The following ADPGK variants were observed in gnomAD, a reference collection of about 807,000 sequenced individuals.
ADPGK encodes ADP-dependent glucokinase.
A neutral mutation model predicts 42.4 loss-of-function variants in ADPGK; 26 were observed. That is an observed-to-expected ratio of 0.61 (90% CI 0.45 to 0.85). The LOEUF (loss-of-function observed/expected upper bound fraction) is 0.85, where lower values mean the gene tolerates loss of function less well. Among genes scored for constraint, ADPGK ranks in the 40% least tolerant of loss-of-function variants. The probability of loss-of-function intolerance (pLI) is 0.00; values close to 1 mark genes in which losing one functional copy is unlikely to be tolerated. For missense variants in ADPGK, 571 were observed against 627.0 expected (o/e 0.91, Z 0.95); for synonymous variants, 267 against 252.6 (o/e 1.06, Z -0.54).
intron 3 of ADPGK, among the ~76,000 whole-genome samples, chr15:72,764,294 CA>C (rs1276477103): frequency 6.6e-6 from 1 of 152,082 alleles, no homozygotes; most frequent in Non-Finnish European, 1.5e-5. Flanking sequence ...GAAAGCAAAA[CA>C]AAACAGAAAC....
intron 1 of ADPGK, among the ~76,000 whole-genome samples, chr15:72,777,003 A>C (rs1310206447): frequency 6.6e-6 from 1 of 152,226 alleles, no homozygotes; most frequent in East Asian, 1.9e-4. Flanking sequence ...TATAAGCCAG[A>C]ACTTCTCCAT....
In ADPGK at chr15:72,776,327, C is replaced by A. The variant is rs147292109; in HGVS notation, c.234-1230G>T. Reference sequence around the variant, plus strand: ...ATGGTCATCTTTATTCCTGCCTCTGCCTATTGGGATGTCATTCTGGCCAGT... The same window carrying A: ...ATGGTCATCTTTATTCCTGCCTCTGACTATTGGGATGTCATTCTGGCCAGT... On this transcript the variant is annotated intron_variant, in intron 1 of 6. Transcript: ENST00000456471. Among the ~76,000 whole-genome samples, 571 of 152,260 alleles carry A rather than the reference C, an allele frequency of 3.8e-3. 1 individual carries two copies. Among genetic ancestry groups the A allele is most frequent in the African/African-American group, 0.013 (553 of 41,532 alleles).
intron 2 of ADPGK, 67 bp downstream of exon 2, chr15:72,774,805 T>C (rs1278827399): frequency 4.0e-5 from 57 of 1,440,550 alleles, no homozygotes; most frequent in Non-Finnish European, 5.1e-5. Context: ...GCTTGCTTGC[T>C]TCTAGGAACC....
At chr15:72,759,838 A>AGAGGG (rs2066170587) in intron 4 of ADPGK, among the ~76,000 whole-genome samples, 2 of 152,228 alleles carry the variant, frequency 1.3e-5, no homozygotes, top group Admixed American at 6.5e-5. Flanking sequence ...TCTGCTGGGA[A>AGAGGG]GAGGGGATGG....
At chr15:72,774,400 T>C (rs1329978738) in intron 2 of ADPGK, among the ~76,000 whole-genome samples, 1 of 152,128 alleles carries the variant, frequency 6.6e-6, no homozygotes, top group African/African-American at 2.4e-5. Flanking sequence ...GGAAGAGCCA[T>C]GGTTGGGTCT....
chr15:72,756,797 AGC>A (rs1289771713), intron 4 of ADPGK: 1 of 299,312 alleles, frequency 3.3e-6, no homozygotes, highest in East Asian at 7.2e-5. Flanking sequence ...TACAGTGTGC[AGC>A]ACGCACGCCC....
intron 1 of ADPGK, among the ~76,000 whole-genome samples, chr15:72,780,416 C>G (rs559048689): frequency 4.6e-5 from 7 of 152,306 alleles, no homozygotes; most frequent in African/African-American, 1.7e-4. Context: ...TCCACCTGGT[C>G]TCTCCCTTGA....
In ADPGK at chr15:72,752,033, C is replaced by T. The variant is rs900487235; in HGVS notation, c.*308G>A. 2 of 309,112 alleles carry T rather than the reference C, an allele frequency of 6.5e-6. No homozygotes were observed. Among genetic ancestry groups the T allele is most frequent in the South Asian group, 4.9e-5 (1 of 20,324 alleles). The allele number at this position is 309,112 out of a possible 1,614,324, so 19.1% of individuals were successfully genotyped here. A position where few individuals can be genotyped will look rare whatever the true frequency, so the allele number is the denominator to read the frequency against. On this transcript the variant is annotated 3_prime_UTR_variant, in exon 7 of 7. Coordinates refer to ENST00000456471, the MANE Select transcript of ADPGK (RefSeq NM_001365225.1). ...GTGGGCAAGGAAGAACTGCTTTTCT[C>T]CAGCTGACATGCTCTCAGGGGTGAA...
At position 72,752,405 on chromosome 15, in the gene ADPGK, A is replaced by G. The variant is rs1418229346; in HGVS notation, c.1430T>C (p.Val477Ala). ...GGCTGAAATGGCATCTCCAAGGCCTACAGTTCGAATGGGGTCTTTACACAC... is the reference window on the plus strand; with the variant it reads ...GGCTGAAATGGCATCTCCAAGGCCTGCAGTTCGAATGGGGTCTTTACACAC... ...VLVCKDPIRT[V>A]GLGDAISAEG... Residue 477 changes from valine to alanine, a missense_variant, in exon 7 of 7, where the codon GTA (valine) becomes GCA (alanine). Coordinates refer to ENST00000456471, the MANE Select transcript of ADPGK (RefSeq NM_001365225.1). 1 of 1,614,244 alleles carries G rather than the reference A, an allele frequency of 6.2e-7. No individual in the cohort carries two copies. The highest frequency in any genetic ancestry group is 8.5e-7 in the Non-Finnish European group (1 of 1,180,044).
chr15:72,761,596 A>C (rs1041315664), intron 3 of ADPGK, among the ~76,000 whole-genome samples: 7 of 152,136 alleles, frequency 4.6e-5, no homozygotes, highest in Non-Finnish European at 1.0e-4. Flanking sequence ...GCTGTTTTTG[A>C]CACAACATTC....
At chr15:72,774,828 C>T (rs749294785) in intron 2 of ADPGK, 44 bp downstream of exon 2, 1 of 1,533,212 alleles carries the variant, frequency 6.5e-7, no homozygotes, top group Non-Finnish European at 8.9e-7. Flanking sequence ...ATTAAAAAGG[C>T]ATCTTTTTCC....
In ADPGK at chr15:72,756,400, A is replaced by T. The variant is rs1312268210; in HGVS notation, c.691T>A (p.Phe231Ile). The part of the protein sequence containing the change: ...LKAPHANRFI[F>I]SHDLSNGAMN... The stretch of plus-strand genomic sequence containing the variant: ...GCCCCGTTGGAGAGGTCGTGAGAGA[A>T]GATGAATCGGTTGGCATGGGGAGCT... The change falls in exon 5 of 7, where the codon TTC becomes ATC. Residue 231 changes from phenylalanine to isoleucine, a missense_variant. Phe to Ile is a conservative substitution (Grantham distance 21). Around this residue, in one of 2 missense-constraint regions of ADPGK, gnomAD observed 434 missense variants for 522.7 expected, o/e 0.83. Transcript: ENST00000456471. 4 of 1,614,232 alleles carry T rather than the reference A, an allele frequency of 2.5e-6. No homozygotes were observed. The South Asian group carries it at 3.3e-5, about 13-fold the overall frequency.
chr15:72,755,447 A>C, intron 6 of ADPGK, 109 bp downstream of exon 6: 1 of 759,794 alleles, frequency 1.3e-6, no homozygotes, highest in East Asian at 2.5e-5. Context: ...ACAAACCTAC[A>C]TGTCAGTGAG....
At position 72,758,119 on chromosome 15, in the gene ADPGK, T is replaced by C; in HGVS notation, c.644-1672A>G. On this transcript the variant is annotated intron_variant, in intron 4 of 6. Coordinates refer to ENST00000456471, the MANE Select transcript of ADPGK (RefSeq NM_001365225.1). ...TGCTTTGTCCCTCCATCATGTGCAA[T>C]CCAGAAAGGACCACCAGGTCTGGCT... is the stretch of plus-strand genomic sequence containing the variant. The C allele has an allele frequency of 6.8e-6, 11 of 1,613,450 alleles. No individual in the cohort carries two copies. In the South Asian group the frequency reaches 1.2e-4, roughly 18 times the overall value.
rs372281721 is a variant in ADPGK at position 72,752,812 on chromosome 15, A to G, written c.1023T>C (p.Ser341=). ...FLTQSASGPH[S]SLSSWNGVPD... ...GAACACCGTTCCAGGAAGAGAGAGA[A>G]GAGTGAGGTCCAGAGGCTGACTGGG... Residue 341 remains serine, a synonymous_variant, in exon 7 of 7, where the codon TCT becomes TCC. Transcript: ENST00000456471. The G allele has an allele frequency of 6.2e-7, 1 of 1,614,226 alleles. No homozygotes were observed. Among genetic ancestry groups the G allele is most frequent in the African/African-American group, 1.3e-5 (1 of 75,072 alleles).
At chr15:72,762,436 A>G (rs1290075094) in intron 3 of ADPGK, among the ~76,000 whole-genome samples, 1 of 152,174 alleles carries the variant, frequency 6.6e-6, no homozygotes, top group Non-Finnish European at 1.5e-5. Flanking sequence ...CCTTCTGGAT[A>G]AAAACATACT....
intron 1 of ADPGK, among the ~76,000 whole-genome samples, chr15:72,780,228 C>G (rs1265442357): frequency 1.3e-5 from 2 of 152,172 alleles, no homozygotes; most frequent in Non-Finnish European, 2.9e-5. Flanking sequence ...CCTCAGGAAA[C>G]TTACATTCAT....
At chr15:72,770,156 T>C (rs1357170220) in intron 3 of ADPGK, among the ~76,000 whole-genome samples, 2 of 152,240 alleles carry the variant, frequency 1.3e-5, no homozygotes, top group African/African-American at 4.8e-5. Context: ...ATCCTGACTC[T>C]ATCATTTACT....
chr15:72,756,602 T>C (rs1024877101), intron 4 of ADPGK, 155 bp from the exon 5 acceptor site: 3 of 750,084 alleles, frequency 4.0e-6, no homozygotes, highest in African/African-American at 3.5e-5. Flanking sequence ...AAGGTCAGCA[T>C]GGCACTGCAA....
Sources: gnomAD v4.1 joint callset for allele counts (sites outside exome capture counted in the v4.1 genomes callset) on GRCh38, gnomAD v4.1.1 for gene constraint, gnomAD v4.1.1 regional missense constraint, MANE v1.5 for transcripts, NCBI Gene and HGNC (gene_info 2026-07-23, HGNC 2026-07-21) for gene names.